The following DMD variants were observed in gnomAD, a reference collection of about 807,000 sequenced individuals.
DMD encodes dystrophin, also known as mutant dystrophin.
Under a neutral mutation model 330.1 loss-of-function variants are expected in DMD, and 63 were observed. The observed-to-expected ratio is 0.19, with a 90% CI of 0.16 to 0.24. DMD has a LOEUF of 0.24. Ranked by LOEUF, DMD falls within the 10% of genes least tolerant of loss-of-function variation. DMD has a pLI of 1.00. For synonymous variants in DMD, 1,223 were observed against 959.8 expected (o/e 1.27, Z -5.07); for missense variants, 3,344 against 2,684.1 (o/e 1.25, Z -5.43).
At chrX:32,702,056 G>A (rs1439975616) in intron 7 of DMD, among the ~76,000 whole-genome samples, 2 of 111,632 alleles carry the variant, frequency 1.8e-5, no homozygotes, top group East Asian at 5.6e-4. Context: ...AAAATATTTT[G>A]AATTTCATCA....
chrX:32,721,616 T>G (rs556440634), intron 7 of DMD, among the ~76,000 whole-genome samples: 1 of 111,275 alleles, frequency 9.0e-6, no homozygotes, highest in East Asian at 2.8e-4. Context: ...CCTTATCAGA[T>G]ATATGTTTTG....
intron 1 of DMD, among the ~76,000 whole-genome samples, chrX:33,305,147 G>A (rs1231076075): frequency 9.3e-6 from 1 of 107,828 alleles, no homozygotes; most frequent in Non-Finnish European, 1.9e-5. Context: ...ATTCACAATA[G>A]CAAAGACTTG....
At chrX:31,567,172 TTTTA>T (rs778352401) in intron 55 of DMD, among the ~76,000 whole-genome samples, 7 of 111,776 alleles carry the variant, frequency 6.3e-5, no homozygotes, top group Non-Finnish European at 1.1e-4. Context: ...ATAGAAATAA[TTTTA>T]TTTTATACTT....
intron 29 of DMD, 72 bp downstream of exon 29, chrX:32,438,169 T>C: frequency 9.1e-7 from 1 of 1,095,481 alleles, no homozygotes; most frequent in African/African-American, 1.8e-5. Flanking sequence ...TTGCTCATTT[T>C]ATCTGAGAGG....
chrX:32,292,426 T>C (rs1215484982), intron 42 of DMD, among the ~76,000 whole-genome samples: 1 of 104,914 alleles, frequency 9.5e-6, no homozygotes, highest in African/African-American at 3.5e-5. Context: ...TGCCTCAGCC[T>C]CCTCCCGAGT....
At chrX:31,883,371 C>G (rs922580292) in intron 47 of DMD, among the ~76,000 whole-genome samples, 23 of 108,506 alleles carry the variant, frequency 2.1e-4, no homozygotes, top group African/African-American at 7.7e-4. Flanking sequence ...AGGTAATGTT[C>G]TAATTCTTGA....
At chrX:32,892,366 G>A (rs190029784) in intron 2 of DMD, among the ~76,000 whole-genome samples, 1 of 110,451 alleles carries the variant, frequency 9.1e-6, no homozygotes, top group Non-Finnish European at 1.9e-5. Context: ...TGCCCCCCAC[G>A]CCATGTTGTT....
chrX:31,381,798 C>G (rs1346909193), intron 60 of DMD, among the ~76,000 whole-genome samples: 4 of 111,912 alleles, frequency 3.6e-5, no homozygotes, highest in Admixed American at 9.5e-5. Flanking sequence ...TCCTTTCCAT[C>G]GTGGAAATCT....
rs904150251 is a variant in DMD at position 31,867,898 on chromosome X, T to C, written c.7098+7290A>G. ...AATTTCTTGTCGAATGAATCAGATC[T>C]TTAATTATGGCCATTTTAAGTCTTT... On this transcript the variant is annotated intron_variant, in intron 48 of 78. Coordinates refer to ENST00000357033, the MANE Select transcript of DMD (RefSeq NM_004006.3). 4.7e-4 allele frequency among the ~76,000 whole-genome samples: 52 copies of C among 111,397 alleles called. 1 individual carries two copies. The highest frequency in any genetic ancestry group is 2.6e-3 in the Admixed American group (27 of 10,424).
chrX:32,166,072 C>T (rs563045058), intron 44 of DMD, among the ~76,000 whole-genome samples: 4 of 111,156 alleles, frequency 3.6e-5, no homozygotes, highest in African/African-American at 9.8e-5. Context: ...TTCTTTCTAG[C>T]GGTATGAAAA....
At chrX:32,586,022 G>T (rs927240968) in intron 13 of DMD, among the ~76,000 whole-genome samples, 1 of 110,974 alleles carries the variant, frequency 9.0e-6, no homozygotes. Context: ...GGCTTTGGAT[G>T]TTCAAATTTC....
intron 42 of DMD, among the ~76,000 whole-genome samples, chrX:32,305,745 A>G (rs1427658532): frequency 1.8e-5 from 2 of 111,123 alleles, no homozygotes; most frequent in Non-Finnish European, 3.8e-5. Context: ...AATGGCCCCA[A>G]AGGCCCTCCA....
At chrX:32,326,487 G>T (rs1215184913) in intron 41 of DMD, among the ~76,000 whole-genome samples, 1 of 113,060 alleles carries the variant, frequency 8.8e-6, no homozygotes, top group South Asian at 3.5e-4. Flanking sequence ...ATTTATGTGT[G>T]CCTATGCAGC....
chrX:31,496,754 C>A (rs745591661), intron 57 of DMD, 34 bp downstream of exon 57: 1 of 1,207,603 alleles, frequency 8.3e-7, no homozygotes, highest in South Asian at 1.8e-5. Flanking sequence ...ATGTGCTTAA[C>A]ATGTGCAAGG....
intron 19 of DMD, among the ~76,000 whole-genome samples, chrX:32,493,104 G>A (rs1274833219): frequency 9.0e-6 from 1 of 111,569 alleles, no homozygotes; most frequent in African/African-American, 3.3e-5. Context: ...ACTTGCACAT[G>A]CCTCCCACTT....
chrX:33,204,727 A>G (rs12011900), intron 1 of DMD, among the ~76,000 whole-genome samples: 10,077 of 111,809 alleles, frequency 0.09, 1,134 homozygotes, highest in African/African-American at 0.31. Context: ...TGTATTTGTT[A>G]CATGGACAAA....
intron 21 of DMD, among the ~76,000 whole-genome samples, chrX:32,474,958 A>G (rs1467274718): frequency 5.4e-5 from 6 of 111,358 alleles, no homozygotes; most frequent in Non-Finnish European, 1.1e-4. Flanking sequence ...GTTTTTTCCA[A>G]TGTTATCTTC....
intron 29 of DMD, among the ~76,000 whole-genome samples, chrX:32,433,071 A>G (rs996719511): frequency 8.9e-6 from 1 of 112,559 alleles, no homozygotes; most frequent in Non-Finnish European, 1.9e-5. Flanking sequence ...GAGAAGTGGT[A>G]AAGGCTTTGG....
intron 1 of DMD, among the ~76,000 whole-genome samples, chrX:33,155,575 C>A (rs1048364916): frequency 9.0e-6 from 1 of 111,335 alleles, no homozygotes; most frequent in East Asian, 2.8e-4. Flanking sequence ...TTTGGCCTCC[C>A]AAAGTGCTGG....
Sources: allele counts gnomAD v4.1 joint callset (sites outside exome capture counted in the v4.1 genomes callset), GRCh38; gene constraint gnomAD v4.1.1; transcripts MANE v1.5; gene names NCBI Gene and HGNC (gene_info 2026-07-23, HGNC 2026-07-21).